The following GPM6A variants were observed in gnomAD, a reference collection of about 807,000 sequenced individuals.
GPM6A encodes the protein glycoprotein M6A.
In GPM6A, 7 loss-of-function variants were observed where a neutral mutation model predicts 32.1. That is an observed-to-expected ratio of 0.22 (90% CI 0.12 to 0.41). The LOEUF is 0.41. GPM6A is among the 10% of genes least tolerant of loss of function. The pLI is 1.00. For missense variants in GPM6A, 235 were observed against 347.2 expected (o/e 0.68, Z 2.57); for synonymous variants, 130 against 123.4 (o/e 1.05, Z -0.35).
intron 2 of GPM6A, among the ~76,000 whole-genome samples, chr4:175,682,626 C>A (rs1194419710): frequency 6.6e-6 from 1 of 152,176 alleles, no homozygotes; most frequent in Non-Finnish European, 1.5e-5. Context: ...CCTATGCAGC[C>A]TTGGGACACT....
At chr4:175,792,767 A>G (rs1325618978) in intron 1 of GPM6A, among the ~76,000 whole-genome samples, 1 of 152,234 alleles carries the variant, frequency 6.6e-6, no homozygotes, top group Non-Finnish European at 1.5e-5. Flanking sequence ...TATTGAAATT[A>G]AAGACAGAAA....
rs373897296 is a variant in GPM6A at position 175,969,967 on chromosome 4, A to G, written c.-23+32342T>C. On this transcript the variant is annotated intron_variant, in intron 1 of 7. Coordinates refer to the GPM6A transcript ENST00000280187. ...AAATGAGTAATTATTAAGCACAAAA[A>G]TAAAGCAATTTAACTACTTTTACTT... 2.6e-5 allele frequency among the ~76,000 whole-genome samples: 4 copies of G among 152,368 alleles called. No homozygotes were observed. In the East Asian group the frequency reaches 7.7e-4, roughly 29 times the overall value.
chr4:175,995,789 A>G (rs957703692), intron 1 of GPM6A, among the ~76,000 whole-genome samples: 1 of 152,258 alleles, frequency 6.6e-6, no homozygotes, highest in African/African-American at 2.4e-5. Flanking sequence ...TTATTTAAGC[A>G]TACCTTATAT....
chr4:175,784,861 CT>C (rs1733738170), intron 1 of GPM6A, among the ~76,000 whole-genome samples: 1 of 152,128 alleles, frequency 6.6e-6, no homozygotes, highest in African/African-American at 2.4e-5. Context: ...GGCCATTGCA[CT>C]TATCCACTAT....
intron 1 of GPM6A, among the ~76,000 whole-genome samples, chr4:175,868,343 T>C (rs912645867): frequency 2.0e-5 from 3 of 152,210 alleles, no homozygotes; most frequent in Admixed American, 2.0e-4. Context: ...TATTGTTATT[T>C]TAATGTCTGT....
chr4:175,879,560 C>T (rs1737201750), intron 1 of GPM6A, among the ~76,000 whole-genome samples: 1 of 152,244 alleles, frequency 6.6e-6, no homozygotes, highest in South Asian at 2.1e-4. Context: ...CATTCACTAT[C>T]ATGAGAACAG....
intron 1 of GPM6A, among the ~76,000 whole-genome samples, chr4:175,714,017 CTT>C (rs1426480043): frequency 6.6e-6 from 1 of 151,818 alleles, no homozygotes; most frequent in East Asian, 1.9e-4. Flanking sequence ...TTAATAATAT[CTT>C]TTAATTTTTT....
At chr4:175,844,768 A>G (rs1229816963) in intron 1 of GPM6A, among the ~76,000 whole-genome samples, 1 of 152,158 alleles carries the variant, frequency 6.6e-6, no homozygotes, top group Non-Finnish European at 1.5e-5. Context: ...AATGCCTCTT[A>G]GCTTTCTTTT....
intron 3 of GPM6A, among the ~76,000 whole-genome samples, chr4:175,655,980 ACTATTTCTGTC>A (rs1462417673): frequency 6.6e-6 from 1 of 152,098 alleles, no homozygotes; most frequent in Non-Finnish European, 1.5e-5. Flanking sequence ...ACATAAGGAA[ACTATTTCTGTC>A]CCATTTGGTA....
intron 1 of GPM6A, among the ~76,000 whole-genome samples, chr4:175,991,303 T>G (rs1741134561): frequency 6.6e-6 from 1 of 151,152 alleles, no homozygotes; most frequent in South Asian, 2.1e-4. Flanking sequence ...CTCGAACTCC[T>G]GACCTCAAGT....
chr4:175,873,843 C>A (rs1417501798), intron 1 of GPM6A, among the ~76,000 whole-genome samples: 2 of 152,124 alleles, frequency 1.3e-5, no homozygotes, highest in African/African-American at 4.8e-5. Flanking sequence ...AGTCATAAAA[C>A]TTTAGTGTGT....
chr4:175,960,598 C>T (rs1294334961), intron 1 of GPM6A: 4 of 152,170 alleles, frequency 2.6e-5, no homozygotes, highest in African/African-American at 2.4e-5. Flanking sequence ...TCCCCCAACC[C>T]TGTGTGTGTT....
At chr4:175,881,647 T>C (rs534292731) in intron 1 of GPM6A, among the ~76,000 whole-genome samples, 2 of 152,278 alleles carry the variant, frequency 1.3e-5, no homozygotes, top group Admixed American at 1.3e-4. Flanking sequence ...ATATACACCA[T>C]GGAATACTAT....
chr4:175,833,932 G>A (rs1358495088), intron 1 of GPM6A, among the ~76,000 whole-genome samples: 1 of 152,092 alleles, frequency 6.6e-6, no homozygotes, highest in Non-Finnish European at 1.5e-5. Context: ...TGAAGAAACT[G>A]GGCTAAAAAA....
rs578052399 is a variant in GPM6A, at chr4:175,658,044, G to A, written c.388-6057C>T. On this transcript the variant is annotated intron_variant, in intron 3 of 6. Transcript: ENST00000393658. ...ATATGCAGTCATCATCATCATCATCGTTGTCAGCATTATAGCCCAAAACTA... is the reference window on the plus strand; with the variant it reads ...ATATGCAGTCATCATCATCATCATCATTGTCAGCATTATAGCCCAAAACTA... 2.8e-4 allele frequency among the ~76,000 whole-genome samples: 43 copies of A among 152,138 alleles called. No individual in the cohort carries two copies. In the South Asian group the frequency reaches 7.7e-3, roughly 27 times the overall value.
At chr4:175,799,671 C>CT (rs374571140) in intron 1 of GPM6A, among the ~76,000 whole-genome samples, 1,276 of 122,076 alleles carry the variant, frequency 0.01, 84 homozygotes, top group South Asian at 0.025. Context: ...CAAGTGTTTT[C>CT]TTTTTTTTTT....
intron 1 of GPM6A, among the ~76,000 whole-genome samples, chr4:175,739,439 T>C (rs1185487127): frequency 6.6e-6 from 1 of 152,156 alleles, no homozygotes; most frequent in South Asian, 2.1e-4. Flanking sequence ...CAAATGTTCT[T>C]TCTAAGCCTA....
At chr4:175,792,524 A>T (rs574358371) in intron 1 of GPM6A, among the ~76,000 whole-genome samples, 3 of 152,158 alleles carry the variant, frequency 2.0e-5, no homozygotes, top group Non-Finnish European at 4.4e-5. Flanking sequence ...TCTTGTAAAG[A>T]TACTCTATAA....
chr4:175,792,886 G>C (rs1560935732), intron 1 of GPM6A, among the ~76,000 whole-genome samples: 1 of 152,064 alleles, frequency 6.6e-6, no homozygotes, highest in Non-Finnish European at 1.5e-5. Flanking sequence ...CAATGATAAA[G>C]TTGACAATGT....
Sources: allele counts gnomAD v4.1 joint callset (sites outside exome capture counted in the v4.1 genomes callset), GRCh38; gene constraint gnomAD v4.1.1; transcripts MANE v1.5; gene names NCBI Gene and HGNC (gene_info 2026-07-23, HGNC 2026-07-21).